LRBA: variants seen among roughly 807,000 people sequenced by gnomAD.
LRBA encodes the protein lipopolysaccharide-responsive and beige-like anchor protein.
LRBA carries 176 observed loss-of-function variants against 330.0 expected under a neutral mutation model. The ratio of observed to expected loss-of-function variants is 0.53; its 90% CI spans 0.47 to 0.60. The LOEUF (loss-of-function observed/expected upper bound fraction) is 0.60. Ranked by LOEUF, LRBA falls within the 20% of genes least tolerant of loss-of-function variation. The pLI, the probability that LRBA is intolerant of heterozygous loss-of-function variation, is 0.00. For synonymous variants in LRBA, 1,230 were observed against 1,193.0 expected (o/e 1.03, Z -0.64); for missense variants, 3,259 against 3,444.8 (o/e 0.95, Z 1.35).
chr4:150,594,370 T>C (rs1773238078), intron 38 of LRBA, among the ~76,000 whole-genome samples: 1 of 151,954 alleles, frequency 6.6e-6, no homozygotes, highest in African/African-American at 2.4e-5. Flanking sequence ...ATTATCATGT[T>C]TATATGTACT....
At chr4:150,696,766 G>A (rs1400506740) in intron 36 of LRBA, among the ~76,000 whole-genome samples, 1 of 151,682 alleles carries the variant, frequency 6.6e-6, no homozygotes, top group Non-Finnish European at 1.5e-5. Flanking sequence ...AGCACTTTGG[G>A]AGGCGAGGCA....
intron 36 of LRBA, among the ~76,000 whole-genome samples, chr4:150,713,945 G>A (rs1786482319): frequency 6.6e-6 from 1 of 152,172 alleles, no homozygotes; most frequent in African/African-American, 2.4e-5. Flanking sequence ...GATCAGATGA[G>A]TGTGCTCCTA....
At chr4:150,489,359 TAAG>T (rs1353507345) in intron 41 of LRBA, among the ~76,000 whole-genome samples, 17 of 70,638 alleles carry the variant, frequency 2.4e-4, no homozygotes, top group Admixed American at 8.2e-4. Flanking sequence ...ATATTACATA[TAAG>T]AATATAAAAT....
chr4:150,463,166 T>C (rs1754996727), intron 44 of LRBA, among the ~76,000 whole-genome samples: 1 of 152,028 alleles, frequency 6.6e-6, no homozygotes, highest in African/African-American at 2.4e-5. Context: ...TTAGTACTAG[T>C]AGAATTCCAT....
chr4:150,961,076 G>A (rs1272494620), intron 2 of LRBA, among the ~76,000 whole-genome samples: 1 of 148,912 alleles, frequency 6.7e-6, no homozygotes, highest in Non-Finnish European at 1.5e-5. Context: ...TGATGGGGGA[G>A]ACAGGCTTTG....
intron 2 of LRBA, among the ~76,000 whole-genome samples, chr4:151,011,196 A>AG: frequency 6.6e-6 from 1 of 152,066 alleles, no homozygotes; most frequent in East Asian, 1.9e-4. Context: ...CAAAAAAAAA[A>AG]AAGAGAAAAA....
intron 2 of LRBA, among the ~76,000 whole-genome samples, chr4:151,003,782 AC>A (rs1199338092): frequency 6.6e-6 from 1 of 152,088 alleles, no homozygotes; most frequent in Non-Finnish European, 1.5e-5. Flanking sequence ...ACAGAGCAAG[AC>A]CCTGTCTCAA....
At chr4:151,002,190 A>C (rs576090874) in intron 2 of LRBA, among the ~76,000 whole-genome samples, 4 of 142,866 alleles carry the variant, frequency 2.8e-5, no homozygotes, top group Non-Finnish European at 4.5e-5. Flanking sequence ...AGGAAACATA[A>C]AACAGCAAAA....
intron 46 of LRBA, among the ~76,000 whole-genome samples, chr4:150,421,968 C>T (rs963831438): frequency 6.6e-6 from 1 of 152,174 alleles, no homozygotes; most frequent in Non-Finnish European, 1.5e-5. Flanking sequence ...AAACAAAACA[C>T]AGGAGCTGGC....
At chr4:150,924,644 A>G (rs1733693239) in intron 4 of LRBA, among the ~76,000 whole-genome samples, 1 of 152,244 alleles carries the variant, frequency 6.6e-6, no homozygotes. Context: ...ACAAGGGCAG[A>G]CAGAGATTTA....
At chr4:150,747,164 C>T (rs1312032715) in intron 35 of LRBA, among the ~76,000 whole-genome samples, 1 of 152,138 alleles carries the variant, frequency 6.6e-6, no homozygotes, top group African/African-American at 2.4e-5. Flanking sequence ...ACTCCTTTGC[C>T]TCTGTTGCTA....
chr4:150,498,797 C>A (rs1759888269), intron 40 of LRBA, among the ~76,000 whole-genome samples: 1 of 152,070 alleles, frequency 6.6e-6, no homozygotes, highest in African/African-American at 2.4e-5. Flanking sequence ...ACTGAAATTA[C>A]CTTGTATCTG....
At chr4:150,554,630 C>A (rs1189593458) in intron 40 of LRBA, among the ~76,000 whole-genome samples, 1 of 151,922 alleles carries the variant, frequency 6.6e-6, no homozygotes, top group Non-Finnish European at 1.5e-5. Context: ...GCTAATATTT[C>A]TTTATTTTAC....
chr4:150,334,984 C>G (rs1734469439), intron 48 of LRBA, among the ~76,000 whole-genome samples: 1 of 151,672 alleles, frequency 6.6e-6, no homozygotes, highest in African/African-American at 2.4e-5. Context: ...TATGCACCAC[C>G]ACACCTGGCT....
At chr4:150,814,379 GAAGAGT>G (rs1178195673) in intron 31 of LRBA, among the ~76,000 whole-genome samples, 2 of 152,030 alleles carry the variant, frequency 1.3e-5, no homozygotes, top group African/African-American at 4.8e-5. Context: ...TGGGGCGGCA[GAAGAGT>G]AAGAAGCAGG....
chr4:150,700,255 T>C (rs1233043653), intron 36 of LRBA, among the ~76,000 whole-genome samples: 1 of 152,144 alleles, frequency 6.6e-6, no homozygotes, highest in Non-Finnish European at 1.5e-5. Flanking sequence ...TAGTCATGCA[T>C]GGCTTAATGA....
chr4:150,441,399 G>A (rs370363047), intron 44 of LRBA, among the ~76,000 whole-genome samples: 201 of 152,066 alleles, frequency 1.3e-3, no homozygotes, highest in Non-Finnish European at 2.4e-3. Flanking sequence ...ATTTTACTAC[G>A]AAAAGCATAA....
chr4:150,457,192 A>C (rs529116524), intron 44 of LRBA, among the ~76,000 whole-genome samples: 1 of 152,198 alleles, frequency 6.6e-6, no homozygotes, highest in East Asian at 1.9e-4. Flanking sequence ...TCAAATGATA[A>C]ATTTTGGATT....
rs1389654000 is a variant in LRBA at position 150,790,913 on chromosome 4, T to C, written c.5580+7168A>G. On this transcript the variant is annotated intron_variant, in intron 34 of 56. Coordinates refer to ENST00000651943, the MANE Select transcript of LRBA (RefSeq NM_001364905.1). ...AGAAGCCTACCCTATTGATTCTCAT[T>C]CCATCTGCAATCAAAAGGTCATAGG... Among the ~76,000 whole-genome samples the C allele has an allele frequency of 3.9e-5, 6 of 152,320 alleles. No homozygotes were observed. The East Asian group carries it at 1.2e-3, about 29-fold the overall frequency.
Sources: gnomAD v4.1 joint callset for allele counts (sites outside exome capture counted in the v4.1 genomes callset) on GRCh38, gnomAD v4.1.1 for gene constraint, MANE v1.5 for transcripts, NCBI Gene and HGNC (gene_info 2026-07-23, HGNC 2026-07-21) for gene names.